Variants in CCSER1 observed in about 807,000 individuals in gnomAD.
The protein encoded by CCSER1 is serine-rich coiled-coil domain-containing protein 1.
A neutral mutation model predicts 82.0 loss-of-function variants in CCSER1; 41 were observed. The observed-to-expected ratio is 0.50, with a 90% CI of 0.39 to 0.65. The LOEUF (loss-of-function observed/expected upper bound fraction) is 0.65. Ranked by LOEUF, CCSER1 falls within the 30% of genes least tolerant of loss-of-function variation. The pLI, the probability that CCSER1 is intolerant of heterozygous loss-of-function variation, is 0.00. For synonymous variants in CCSER1, 414 were observed against 383.9 expected, an observed-to-expected ratio of 1.08 and a Z score of -0.92; for missense variants, 1,119 against 1,064.2, an observed-to-expected ratio of 1.05 and a Z score of -0.72.
intron 5 of CCSER1, among the ~76,000 whole-genome samples, chr4:90,580,665 A>T (rs1781328154): frequency 6.6e-6 from 1 of 152,200 alleles, no homozygotes; most frequent in South Asian, 2.1e-4. Flanking sequence ...TCCTGGGAAT[A>T]TGCAGGGTCT....
intron 3 of CCSER1, among the ~76,000 whole-genome samples, chr4:90,364,891 T>G (rs1022177573): frequency 6.6e-5 from 10 of 150,750 alleles, no homozygotes. Context: ...AACTAACCTA[T>G]TTTTTTTTCA....
intron 10 of CCSER1, among the ~76,000 whole-genome samples, chr4:91,286,280 G>C (rs924161455): frequency 1.3e-5 from 2 of 151,592 alleles, no homozygotes; most frequent in Non-Finnish European, 3.0e-5. Flanking sequence ...ACACAAATAT[G>C]CATTTATTTG....
rs1323656430 is a variant in CCSER1 at position 90,602,898 on chromosome 4, T to A, written c.1725-25127T>A. On this transcript the variant is annotated intron_variant, in intron 5 of 10. Coordinates refer to ENST00000509176, the MANE Select transcript of CCSER1 (RefSeq NM_001145065.2). ...TTTATTACCCCGATCAGGAAACAAA[T>A]CTGTCCTCTCTCCTAGAGGTAGACA... is the stretch of plus-strand genomic sequence containing the variant. Among the ~76,000 whole-genome samples, 3 of 152,298 alleles carry A rather than the reference T, an allele frequency of 2.0e-5. No homozygotes were observed. The East Asian group carries it at 5.8e-4, about 29-fold the overall frequency.
At chr4:90,175,216 T>C (rs1732442565) in intron 1 of CCSER1, among the ~76,000 whole-genome samples, 1 of 151,944 alleles carries the variant, frequency 6.6e-6, no homozygotes. Context: ...CATGGGTGAA[T>C]GTCAAACTAG....
intron 7 of CCSER1, among the ~76,000 whole-genome samples, chr4:90,799,752 T>TA (rs911981068): frequency 6.6e-6 from 1 of 152,184 alleles, no homozygotes; most frequent in African/African-American, 2.4e-5. Context: ...AATATTCTGT[T>TA]ACACATGCTC....
At chr4:90,655,017 ATTG>A (rs1188065617) in intron 6 of CCSER1, among the ~76,000 whole-genome samples, 1 of 152,010 alleles carries the variant, frequency 6.6e-6, no homozygotes, top group Non-Finnish European at 1.5e-5. Flanking sequence ...TATTCTAGCA[ATTG>A]TTTATATTTT....
At chr4:91,407,481 C>A (rs528819753) in intron 10 of CCSER1, among the ~76,000 whole-genome samples, 1 of 152,034 alleles carries the variant, frequency 6.6e-6, no homozygotes, top group Non-Finnish European at 1.5e-5. Flanking sequence ...GAGAGGTAGA[C>A]AAGAAGAGAA....
intron 7 of CCSER1, among the ~76,000 whole-genome samples, chr4:90,734,109 ATTAAT>A (rs142995385): frequency 0.026 from 3,987 of 151,358 alleles, 145 homozygotes; most frequent in African/African-American, 0.085. Flanking sequence ...TTTTATTTTT[ATTAAT>A]TTAATTTAAT....
At chr4:90,764,193 T>C (rs1750842560) in intron 7 of CCSER1, among the ~76,000 whole-genome samples, 1 of 152,124 alleles carries the variant, frequency 6.6e-6, no homozygotes, top group Non-Finnish European at 1.5e-5. Context: ...AGGTAGATTG[T>C]AAAAATCAAT....
intron 5 of CCSER1, among the ~76,000 whole-genome samples, chr4:90,572,572 C>A (rs548977016): frequency 6.7e-6 from 1 of 149,450 alleles, no homozygotes; most frequent in African/African-American, 2.5e-5. Context: ...TTTGAGCGCA[C>A]GTTATTATTA....
intron 10 of CCSER1, among the ~76,000 whole-genome samples, chr4:91,521,849 C>T (rs1324732972): frequency 6.6e-6 from 1 of 152,086 alleles, no homozygotes; most frequent in African/African-American, 2.4e-5. Flanking sequence ...ACTCTGATGG[C>T]AGTTCCTTTT....
chr4:90,634,698 G>C (rs1374093894), intron 6 of CCSER1, among the ~76,000 whole-genome samples: 1 of 151,722 alleles, frequency 6.6e-6, no homozygotes, highest in Non-Finnish European at 1.5e-5. Flanking sequence ...CCACAGTGGA[G>C]AGTCATAAAG....
At chr4:91,348,185 A>G (rs1332418117) in intron 10 of CCSER1, among the ~76,000 whole-genome samples, 1 of 152,144 alleles carries the variant, frequency 6.6e-6, no homozygotes, top group Non-Finnish European at 1.5e-5. Context: ...CTTATGAATT[A>G]TGAATGAGAA....
At chr4:91,191,238 C>T (rs1279202207) in intron 10 of CCSER1, among the ~76,000 whole-genome samples, 1 of 152,116 alleles carries the variant, frequency 6.6e-6, no homozygotes, top group Non-Finnish European at 1.5e-5. Flanking sequence ...CCTGATTATA[C>T]ATAGGCCCAG....
chr4:91,509,742 C>T (rs1759719639), intron 10 of CCSER1, among the ~76,000 whole-genome samples: 1 of 151,858 alleles, frequency 6.6e-6, no homozygotes. Context: ...CATAATCATT[C>T]CAGCTTTTTT....
chr4:91,559,687 AATT>A (rs760772028), intron 10 of CCSER1, among the ~76,000 whole-genome samples: 2 of 151,562 alleles, frequency 1.3e-5, no homozygotes, highest in Non-Finnish European at 3.0e-5. Context: ...TTTGTGAGTA[AATT>A]ATTAAAATAA....
intron 1 of CCSER1, among the ~76,000 whole-genome samples, chr4:90,213,568 C>T (rs1048931571): frequency 6.6e-6 from 1 of 152,014 alleles, no homozygotes; most frequent in African/African-American, 2.4e-5. Context: ...GAGAGGTCCA[C>T]GAACTGAACT....
intron 10 of CCSER1, among the ~76,000 whole-genome samples, chr4:91,524,595 C>T (rs1213888893): frequency 2.0e-5 from 3 of 152,034 alleles, no homozygotes; most frequent in Non-Finnish European, 4.4e-5. Flanking sequence ...ACCTAATGGT[C>T]GTGCCTACTG....
At chr4:90,957,379 C>T (rs1733571834) in intron 9 of CCSER1, among the ~76,000 whole-genome samples, 1 of 146,680 alleles carries the variant, frequency 6.8e-6, no homozygotes, top group Non-Finnish European at 1.5e-5. Flanking sequence ...GGATTACAGG[C>T]GTGAGCCACC....
Sources: allele counts gnomAD v4.1 joint callset (sites outside exome capture counted in the v4.1 genomes callset), GRCh38; gene constraint gnomAD v4.1.1; transcripts MANE v1.5; gene names NCBI Gene and HGNC (gene_info 2026-07-23, HGNC 2026-07-21).